The following RNF168 variants were observed in gnomAD, a reference collection of about 807,000 sequenced individuals.
The protein encoded by RNF168 is E3 ubiquitin-protein ligase RNF168.
RNF168 carries 34 observed loss-of-function variants against 34.9 expected under a neutral mutation model. That is an observed-to-expected ratio of 0.97 (90% CI 0.74 to 1.30). RNF168 has a LOEUF of 1.30. Among genes scored for constraint, RNF168 ranks in the 50% most tolerant of loss-of-function variants. RNF168 has a pLI of 0.00. For synonymous variants in RNF168, 264 were observed against 254.7 expected (o/e 1.04, Z -0.35); for missense variants, 725 against 682.5 (o/e 1.06, Z -0.69).
chr3:196,471,577 G>T lies in RNF168; in HGVS notation c.*242C>A. ...TGGCCAAAGCTTAAGATATCTCTAAGAATTGTAAAGCTTAATACACATCTG... is the reference window on the plus strand; with the variant it reads ...TGGCCAAAGCTTAAGATATCTCTAATAATTGTAAAGCTTAATACACATCTG... On this transcript the variant is annotated 3_prime_UTR_variant, in exon 6 of 6. Transcript: ENST00000318037. 1 of 466,840 alleles carries T rather than the reference G, an allele frequency of 2.1e-6. No individual in the cohort carries two copies. 28.9% of individuals were successfully genotyped at this position (466,840 alleles called of 1,614,324 possible). A position where few individuals can be genotyped will look rare whatever the true frequency, so the allele number is the denominator to read the frequency against.
rs1174011710 is a variant in RNF168, at chr3:196,472,299, G to A, written c.1236C>T (p.Pro412=). The A allele has an allele frequency of 1.2e-5, 20 of 1,613,622 alleles. No individual in the cohort carries two copies. The highest frequency in any genetic ancestry group is 2.7e-5 in the African/African-American group (2 of 74,894). ...CFSAKRRKVS[P]ESSPDQEETE... The stretch of plus-strand genomic sequence containing the variant: ...TTTCCTCTTGATCTGGGGAAGATTC[G>A]GGGGACACTTTTCTTCTTTTTGCAG... Residue 412 remains proline (P), a synonymous_variant, in exon 6 of 6, where the codon CCC becomes CCT. Transcript: ENST00000318037.
intron 4 of RNF168, among the ~76,000 whole-genome samples, chr3:196,476,308 G>A (rs1229244633): frequency 6.6e-6 from 1 of 152,080 alleles, no homozygotes; most frequent in Admixed American, 6.6e-5. Context: ...TGGAAATGTT[G>A]GCTGTTCACG....
At chr3:196,484,483 T>C (rs1732376971) in intron 3 of RNF168, among the ~76,000 whole-genome samples, 1 of 139,550 alleles carries the variant, frequency 7.2e-6, no homozygotes, top group East Asian at 2.0e-4. Context: ...CTTTTTTTTT[T>C]TTTTTTTTTT....
In RNF168 at chr3:196,471,779, C is replaced by A. The variant is rs1429759170; in HGVS notation, c.*40G>T. 1 of 1,288,578 alleles carries A rather than the reference C, an allele frequency of 7.8e-7. No homozygotes were observed. Among genetic ancestry groups the A allele is most frequent in the Non-Finnish European group, 1.1e-6 (1 of 884,068 alleles). 79.8% of individuals were successfully genotyped at this position (1,288,578 alleles called of 1,614,324 possible). ...CCATGATAGGAAAGAGCTTCACATTCCAGCTTTACTAGATCACAAAGCACT... is the reference window on the plus strand; with the variant it reads ...CCATGATAGGAAAGAGCTTCACATTACAGCTTTACTAGATCACAAAGCACT... On this transcript the variant is annotated 3_prime_UTR_variant, in exon 6 of 6. Transcript: ENST00000318037.
At position 196,472,190 on chromosome 3, in the gene RNF168, A is replaced by G. The variant is rs144211840; in HGVS notation, c.1345T>C (p.Leu449=). Residue 449 remains leucine (L), a synonymous_variant, in exon 6 of 6, where the codon TTG becomes CTG. Transcript: ENST00000318037. ...ACCTCCTTCTGAAGTTGTAATGCCA[A>G]TAACCTGTCCTGTTCTTCTTGTTTA... The part of the protein sequence containing the change: ...RHKQEEQDRL[L]ALQLQKEVDK... 1 of 1,614,112 alleles carries G rather than the reference A, an allele frequency of 6.2e-7. No homozygotes were observed. Among genetic ancestry groups the G allele is most frequent in the East Asian group, 2.2e-5 (1 of 44,894 alleles).
chr3:196,484,487 T>G (rs1258845213), intron 3 of RNF168, among the ~76,000 whole-genome samples: 1 of 146,234 alleles, frequency 6.8e-6, no homozygotes, highest in Non-Finnish European at 1.5e-5. Context: ...TTTTTTTTTT[T>G]TTTTTTTTTT....
chr3:196,485,041 T>C (rs764651948), intron 3 of RNF168, among the ~76,000 whole-genome samples: 9 of 152,194 alleles, frequency 5.9e-5, no homozygotes, highest in Admixed American at 2.0e-4. Context: ...CCCAAAAGAA[T>C]AGTTTTATGT....
intron 4 of RNF168, among the ~76,000 whole-genome samples, chr3:196,482,804 T>C (rs1437978740): frequency 6.6e-6 from 1 of 152,242 alleles, no homozygotes; most frequent in Non-Finnish European, 1.5e-5. Context: ...CTTCTGTTGT[T>C]GAGTTATAAG....
intron 1 of RNF168, among the ~76,000 whole-genome samples, chr3:196,489,372 G>C (rs185958801): frequency 8.2e-4 from 124 of 151,852 alleles, no homozygotes; most frequent in East Asian, 7.4e-3. Flanking sequence ...TGTCACCCAG[G>C]CTGGAGTGCA....
chr3:196,472,422 C>G lies in RNF168; in HGVS notation c.1113G>C (p.Glu371Asp), dbSNP rs778922428. 5.0e-6 allele frequency: 8 copies of G among 1,613,366 alleles called. No homozygotes were observed. The highest frequency in any genetic ancestry group is 3.3e-5 in the Admixed American group (2 of 59,846). Residue 371 changes from glutamate to aspartate, a missense_variant, in exon 6 of 6, where the codon GAG (glutamate) becomes GAC (aspartate). Coordinates refer to ENST00000318037, the MANE Select transcript of RNF168 (RefSeq NM_152617.4). ...GTAGGCACGACTCTTCATTTTCTGT[C>G]TCACCTGTGTTGTTTCCATTTGTCT... ...VTQTNGNNTG[E>D]TENEESCLLI...
intron 1 of RNF168, among the ~76,000 whole-genome samples, chr3:196,490,241 C>T (rs1479657954): frequency 2.0e-5 from 3 of 152,064 alleles, no homozygotes; most frequent in Admixed American, 6.6e-5. Flanking sequence ...AGAAAATAAC[C>T]TAAATGTGGG....
At chr3:196,492,793 TA>T (rs995702180) in intron 1 of RNF168, among the ~76,000 whole-genome samples, 14 of 151,010 alleles carry the variant, frequency 9.3e-5, no homozygotes, top group Non-Finnish European at 2.1e-4. Context: ...AATAAATAAA[TA>T]AATAAATAAA....
At chr3:196,473,140 G>A (rs911871138) in intron 5 of RNF168, among the ~76,000 whole-genome samples, 1 of 152,060 alleles carries the variant, frequency 6.6e-6, no homozygotes, top group Admixed American at 6.6e-5. Flanking sequence ...CCACAGACTA[G>A]ATTCCAAATA....
At chr3:196,475,020 A>G in intron 5 of RNF168, 1 of 536,950 alleles carries the variant, frequency 1.9e-6, no homozygotes, top group Non-Finnish European at 3.3e-6. Context: ...TCTCTTAGAG[A>G]AAAACTTTGC....
chr3:196,489,451 T>C (rs1732539452), intron 1 of RNF168, among the ~76,000 whole-genome samples: 1 of 152,046 alleles, frequency 6.6e-6, no homozygotes, highest in Admixed American at 6.6e-5. Flanking sequence ...CTCAGTGTCC[T>C]GAGTAGCTGG....
chr3:196,475,170 A>G, intron 5 of RNF168, 61 bp downstream of exon 5: 1 of 917,306 alleles, frequency 1.1e-6, no homozygotes, highest in Non-Finnish European at 1.8e-6. Flanking sequence ...AACTATGGAT[A>G]GCACTAATCT....
At chr3:196,486,354 C>CT (rs1005461715) in intron 3 of RNF168, among the ~76,000 whole-genome samples, 26 of 148,432 alleles carry the variant, frequency 1.8e-4, no homozygotes, top group Admixed American at 6.7e-4. Context: ...AGAAAAAAAG[C>CT]TTTTTTTTTT....
intron 1 of RNF168, among the ~76,000 whole-genome samples, chr3:196,493,222 A>G (rs1474735218): frequency 6.6e-6 from 1 of 152,246 alleles, no homozygotes; most frequent in Admixed American, 6.5e-5. Flanking sequence ...AACTACAGCA[A>G]GCAGAGAGCT....
chr3:196,500,882 T>G (rs1395213027), intron 1 of RNF168, among the ~76,000 whole-genome samples: 3 of 151,592 alleles, frequency 2.0e-5, no homozygotes, highest in Non-Finnish European at 4.4e-5. Context: ...CGGCTAATTT[T>G]TTGTATTTTT....
Sources: allele counts gnomAD v4.1 joint callset (sites outside exome capture counted in the v4.1 genomes callset), GRCh38; gene constraint gnomAD v4.1.1; transcripts MANE v1.5; gene names NCBI Gene and HGNC (gene_info 2026-07-23, HGNC 2026-07-21).